Variants in WIPF3 observed in about 807,000 individuals in gnomAD.
WIPF3 encodes WAS/WASL-interacting protein family member 3.
A neutral mutation model predicts 38.9 loss-of-function variants in WIPF3; 33 were observed. That is an observed-to-expected ratio of 0.85 (90% CI 0.64 to 1.14). WIPF3 has a LOEUF of 1.14. WIPF3 is among the 50% of genes most tolerant of loss of function. The pLI is 0.00. For missense variants in WIPF3, 711 were observed against 652.5 expected, an observed-to-expected ratio of 1.09 and a Z score of -0.98; for synonymous variants, 324 against 269.3, an observed-to-expected ratio of 1.20 and a Z score of -1.99.
intron 7 of WIPF3, among the ~76,000 whole-genome samples, chr7:29,901,662 A>AT (rs1786278156): frequency 6.6e-6 from 1 of 151,086 alleles, no homozygotes; most frequent in Non-Finnish European, 1.5e-5. Flanking sequence ...TTGAAGCCCC[A>AT]TTTTTTACTA....
intron 8 of WIPF3, among the ~76,000 whole-genome samples, chr7:29,906,797 C>T (rs11772453): frequency 0.15 from 22,416 of 152,082 alleles, 1,783 homozygotes; most frequent in African/African-American, 0.19. Context: ...TCATCACATA[C>T]AAGGGATCTT....
chr7:29,834,715 A>G lies in WIPF3; in HGVS notation c.-10A>G, dbSNP rs1489867549. 3.3e-6 allele frequency: 5 copies of G among 1,500,000 alleles called. No individual in the cohort carries two copies. The highest frequency in any genetic ancestry group is 4.4e-6 in the Non-Finnish European group (5 of 1,123,962). The allele number at this position is 1,500,000 out of a possible 1,614,324, so 92.9% of individuals were successfully genotyped here. On this transcript the variant is annotated 5_prime_UTR_variant, in exon 2 of 9. Transcript: ENST00000242140. ...CCATTCATAAGCAGGAGACATCAAC[A>G]CCGTGACACATGCCAGTGCCACCGC... is the stretch of plus-strand genomic sequence containing the variant.
chr7:29,843,017 G>A (rs899065503), intron 2 of WIPF3, among the ~76,000 whole-genome samples: 1 of 152,200 alleles, frequency 6.6e-6, no homozygotes, highest in African/African-American at 2.4e-5. Context: ...TTTGCATCAG[G>A]CCAAGCTGTT....
intron 1 of WIPF3, among the ~76,000 whole-genome samples, chr7:29,806,929 G>A (rs1266769502): frequency 2.6e-5 from 4 of 151,472 alleles, no homozygotes; most frequent in African/African-American, 9.7e-5. Context: ...GGGCCGGGCC[G>A]GGCGGAAACA....
intron 7 of WIPF3, among the ~76,000 whole-genome samples, chr7:29,899,358 T>C (rs1786225515): frequency 6.6e-6 from 1 of 152,260 alleles, no homozygotes; most frequent in Admixed American, 6.5e-5. Flanking sequence ...TCACTTTTTA[T>C]TCTCTTTACA....
At chr7:29,815,787 A>C (rs1181984076) in intron 1 of WIPF3, among the ~76,000 whole-genome samples, 6 of 152,136 alleles carry the variant, frequency 3.9e-5, no homozygotes, top group Non-Finnish European at 7.4e-5. Flanking sequence ...GAAGAATTAA[A>C]CTGTAGGGGT....
intron 1 of WIPF3, among the ~76,000 whole-genome samples, chr7:29,809,947 G>T (rs915633438): frequency 1.3e-5 from 2 of 152,150 alleles, no homozygotes; most frequent in African/African-American, 4.8e-5. Context: ...GAGAGTGCCA[G>T]GCCTGCACAT....
At chr7:29,831,467 G>A (rs1414918418) in intron 1 of WIPF3, among the ~76,000 whole-genome samples, 1 of 152,184 alleles carries the variant, frequency 6.6e-6, no homozygotes, top group Non-Finnish European at 1.5e-5. Flanking sequence ...GCAACCCTTA[G>A]CCCAATTAAG....
chr7:29,873,673 A>ATT (rs2128073016), intron 2 of WIPF3, among the ~76,000 whole-genome samples: 1 of 152,326 alleles, frequency 6.6e-6, no homozygotes, highest in South Asian at 2.1e-4. Flanking sequence ...GTGAATCAGG[A>ATT]TTGAGGCTCC....
At chr7:29,895,787 C>T (rs1786130749) in intron 7 of WIPF3, among the ~76,000 whole-genome samples, 1 of 152,198 alleles carries the variant, frequency 6.6e-6, no homozygotes. Context: ...TGCAAGAATT[C>T]ACTATCTCCA....
Position 29,844,468 on chromosome 7 carries a change from G to A in WIPF3, c.90+9654G>A, listed in dbSNP as rs1294355593. Among the ~76,000 whole-genome samples the A allele has an allele frequency of 6.6e-6, 1 of 152,200 alleles. No individual in the cohort carries two copies. The highest frequency in any genetic ancestry group is 1.5e-5 in the Non-Finnish European group (1 of 68,038). On this transcript the variant is annotated intron_variant, in intron 2 of 8. Coordinates refer to ENST00000242140, the MANE Select transcript of WIPF3 (RefSeq NM_001080529.3). This position sits in a 1 kb window ranked among gnomAD's most constrained non-coding sequence, Gnocchi z 4.8. Reference sequence around the variant, plus strand: ...TAAATATTTACAACAATCCAATGAGGTAGGGACCGGTAGTGCCATTTTAAG... The same window carrying A: ...TAAATATTTACAACAATCCAATGAGATAGGGACCGGTAGTGCCATTTTAAG...
At chr7:29,908,882 T>C in intron 8 of WIPF3, among the ~76,000 whole-genome samples, 1 of 137,112 alleles carries the variant, frequency 7.3e-6, no homozygotes, top group African/African-American at 2.8e-5. Context: ...CACTCTAGCC[T>C]GGGCAACAAG....
At chr7:29,814,107 G>T (rs1784422092) in intron 1 of WIPF3, among the ~76,000 whole-genome samples, 1 of 152,072 alleles carries the variant, frequency 6.6e-6, no homozygotes. Flanking sequence ...TTTTAGTAGA[G>T]ATGGGGTTTT....
chr7:29,849,168 T>G (rs1785050586), intron 2 of WIPF3, among the ~76,000 whole-genome samples: 1 of 152,154 alleles, frequency 6.6e-6, no homozygotes, highest in Non-Finnish European at 1.5e-5. Context: ...GGATTAACGT[T>G]AAGGTTTTAT....
intron 1 of WIPF3, among the ~76,000 whole-genome samples, chr7:29,820,598 A>T (rs929713482): frequency 2.2e-4 from 33 of 152,068 alleles, no homozygotes; most frequent in African/African-American, 7.7e-4. Flanking sequence ...TGTTTCTTTT[A>T]ATTTAGAGAG....
At chr7:29,821,299 A>G (rs762957287) in intron 1 of WIPF3, among the ~76,000 whole-genome samples, 1 of 151,842 alleles carries the variant, frequency 6.6e-6, no homozygotes, top group Non-Finnish European at 1.5e-5. Context: ...TAATAAATTG[A>G]TTTATTTATT....
chr7:29,810,744 A>G (rs1222116350), intron 1 of WIPF3, among the ~76,000 whole-genome samples: 2 of 152,184 alleles, frequency 1.3e-5, no homozygotes, highest in Non-Finnish European at 2.9e-5. Flanking sequence ...TCCCTGGACT[A>G]TTTTGCATGA....
chr7:29,879,267 C>A, intron 4 of WIPF3, 127 bp downstream of exon 4: 1 of 1,218,680 alleles, frequency 8.2e-7, no homozygotes, highest in Non-Finnish European at 1.1e-6. Flanking sequence ...AGTAGAAGAT[C>A]ATGTTCTTGG....
chr7:29,914,417 G>C (rs974611302), intron 8 of WIPF3, 76 bp from the exon 9 acceptor site: 26 of 1,220,370 alleles, frequency 2.1e-5, no homozygotes, highest in East Asian at 1.2e-4. Flanking sequence ...GCCTGTTTGG[G>C]GGGGTGGAGG....
Sources: gnomAD v4.1 joint callset for allele counts (sites outside exome capture counted in the v4.1 genomes callset) on GRCh38, gnomAD v4.1.1 for gene constraint, Gnocchi (gnomAD v3.1) non-coding constraint, MANE v1.5 for transcripts, NCBI Gene and HGNC (gene_info 2026-07-23, HGNC 2026-07-21) for gene names.